The following TCF7L1 variants were observed in gnomAD, a reference collection of about 807,000 sequenced individuals.
The protein encoded by TCF7L1 is transcription factor 7-like 1.
Under a neutral mutation model 63.7 loss-of-function variants are expected in TCF7L1, and 18 were observed. The ratio of observed to expected loss-of-function variants is 0.28; its 90% CI spans 0.20 to 0.42. The LOEUF (loss-of-function observed/expected upper bound fraction) is 0.42, where lower values mean the gene tolerates loss of function less well. TCF7L1 is among the 10% of genes least tolerant of loss of function. TCF7L1 has a pLI of 1.00. For missense variants in TCF7L1, 654 were observed against 779.3 expected, an observed-to-expected ratio of 0.84 and a Z score of 1.91; for synonymous variants, 355 against 340.9, an observed-to-expected ratio of 1.04 and a Z score of -0.46.
chr2:85,217,258 C>T (rs958770908), intron 3 of TCF7L1: 9 of 152,166 alleles, frequency 5.9e-5, no homozygotes, highest in Admixed American at 1.3e-4. Context: ...ATTACAAACA[C>T]GAGGTAGATA....
At chr2:85,217,536 G>C (rs991290908) in intron 3 of TCF7L1, among the ~76,000 whole-genome samples, 2 of 152,112 alleles carry the variant, frequency 1.3e-5, no homozygotes, top group Admixed American at 1.3e-4. Flanking sequence ...ATACAGACTC[G>C]GACATTCCAC....
intron 3 of TCF7L1, among the ~76,000 whole-genome samples, chr2:85,243,623 G>A (rs1333347740): frequency 1.3e-5 from 2 of 152,198 alleles, no homozygotes; most frequent in African/African-American, 2.4e-5. Context: ...AGGAGGAGAA[G>A]GCTGGGGATG....
At chr2:85,304,042 T>A in intron 6 of TCF7L1, 45 bp downstream of exon 6, 1 of 1,452,034 alleles carries the variant, frequency 6.9e-7, no homozygotes, top group Non-Finnish European at 9.6e-7. Context: ...CTCCTTGCGC[T>A]GAGCTCTGCC....
chr2:85,271,403 G>A (rs780107517), intron 3 of TCF7L1, among the ~76,000 whole-genome samples: 10 of 152,160 alleles, frequency 6.6e-5, no homozygotes, highest in Non-Finnish European at 1.3e-4. Flanking sequence ...AAGCTACCGC[G>A]CCCGGCCCAG....
intron 3 of TCF7L1, among the ~76,000 whole-genome samples, chr2:85,209,833 T>TTAGG (rs1162827872): frequency 1.8e-4 from 27 of 152,304 alleles, no homozygotes; most frequent in African/African-American, 6.5e-4. Context: ...TCTAAAAATG[T>TTAGG]ATCCTATAGC....
chr2:85,307,266 T>C (rs1305958319), intron 10 of TCF7L1, among the ~76,000 whole-genome samples: 2 of 152,190 alleles, frequency 1.3e-5, no homozygotes. Context: ...TGTTCTTCTT[T>C]GCTTTTTTTC....
chr2:85,207,092 T>G (rs1679425081), intron 3 of TCF7L1, among the ~76,000 whole-genome samples: 1 of 152,250 alleles, frequency 6.6e-6, no homozygotes, highest in South Asian at 2.1e-4. Flanking sequence ...AATAGGAATT[T>G]AAACCCACAT....
At chr2:85,284,211 T>C (rs887161395) in intron 4 of TCF7L1, among the ~76,000 whole-genome samples, 35 of 152,214 alleles carry the variant, frequency 2.3e-4, no homozygotes, top group Non-Finnish European at 3.8e-4. Context: ...GGTGTTTCAC[T>C]GTGTTAGCCA....
intron 4 of TCF7L1, among the ~76,000 whole-genome samples, chr2:85,294,789 T>C (rs7583983): frequency 0.53 from 80,944 of 151,878 alleles, 22,156 homozygotes; most frequent in East Asian, 0.9. Flanking sequence ...TCCCAGCACT[T>C]TGGGAATCTG....
At chr2:85,265,491 G>A (rs1680946517) in intron 3 of TCF7L1, among the ~76,000 whole-genome samples, 1 of 152,166 alleles carries the variant, frequency 6.6e-6, no homozygotes, top group South Asian at 2.1e-4. Flanking sequence ...CCTCTGGAAG[G>A]GAAAGAGTGG....
Position 85,309,785 on chromosome 2 carries a change from T to C in TCF7L1, c.*323T>C. ...TCTCTTACCTCTCTTGCACTTTCTG[T>C]CTCCTGTCTCTTCTCGCCCCTGCCG... is the stretch of plus-strand genomic sequence containing the variant. On this transcript the variant is annotated 3_prime_UTR_variant, in exon 12 of 12. Transcript: ENST00000282111. 3.7e-6 allele frequency: 1 copy of C among 272,652 alleles called. No homozygotes were observed. The highest frequency in any genetic ancestry group is 6.8e-6 in the Non-Finnish European group (1 of 146,288). The allele number at this position is 272,652 out of a possible 1,614,324, so 16.9% of individuals were successfully genotyped here.
At chr2:85,146,553 G>T (rs897480556) in intron 3 of TCF7L1, among the ~76,000 whole-genome samples, 7 of 139,626 alleles carry the variant, frequency 5.0e-5, no homozygotes, top group African/African-American at 1.9e-4. Flanking sequence ...CCAGGCTGGA[G>T]TGCAATGGCA....
intron 3 of TCF7L1, among the ~76,000 whole-genome samples, chr2:85,247,765 C>T (rs1680498465): frequency 6.6e-6 from 1 of 152,178 alleles, no homozygotes. Flanking sequence ...AAATTAACAT[C>T]TTCAGTGGCT....
chr2:85,306,337 C>T lies in TCF7L1; in HGVS notation c.1121C>T (p.Ala374Val), dbSNP rs1310800024. 1 of 1,614,212 alleles carries T rather than the reference C, an allele frequency of 6.2e-7. No homozygotes were observed. Among genetic ancestry groups the T allele is most frequent in the Non-Finnish European group, 8.5e-7 (1 of 1,180,036 alleles). Reference sequence around the variant, plus strand: ...GCTGAGTGCACCCTGAAGGAAAGTGCAGCCATTAACCAGATCCTTGGAAGA... The same window carrying T: ...GCTGAGTGCACCCTGAAGGAAAGTGTAGCCATTAACCAGATCCTTGGAAGA... ...VVAECTLKES[A>V]AINQILGRKW... The change falls in exon 9 of 12, where the codon GCA (alanine) becomes GTA (valine). Residue 374 changes from alanine to valine, a missense_variant. Physicochemically the swap from Ala to Val is moderately conservative, Grantham distance 64 (BLOSUM62 0). Around this residue, in one of 3 missense-constraint regions of TCF7L1, gnomAD observed 66 missense variants for 120.5 expected, o/e 0.55. Coordinates refer to ENST00000282111, the MANE Select transcript of TCF7L1 (RefSeq NM_031283.3). This position sits in a 1 kb window ranked among gnomAD's most constrained non-coding sequence, Gnocchi z 4.3.
chr2:85,170,436 T>C (rs1678521336), intron 3 of TCF7L1, among the ~76,000 whole-genome samples: 1 of 152,110 alleles, frequency 6.6e-6, no homozygotes, highest in Non-Finnish European at 1.5e-5. Context: ...ATGCTCAGGG[T>C]TTGGAGTGCC....
chr2:85,290,040 C>T (rs560614538), intron 4 of TCF7L1, among the ~76,000 whole-genome samples: 30 of 148,894 alleles, frequency 2.0e-4, no homozygotes, highest in Middle Eastern at 3.6e-3. Flanking sequence ...TGCAGTGGTG[C>T]GATCTCAGCT....
At position 85,258,644 on chromosome 2, in the gene TCF7L1, G is replaced by A. The variant is rs139828405; in HGVS notation, c.442-24851G>A. On this transcript the variant is annotated intron_variant, in intron 3 of 11. Transcript: ENST00000282111. ...GTAGCATTCATATTTGTCAAGGGAGGAGGAGAGAATGTATTTAACAGTTTG... is the reference window on the plus strand; with the variant it reads ...GTAGCATTCATATTTGTCAAGGGAGAAGGAGAGAATGTATTTAACAGTTTG... Among the ~76,000 whole-genome samples the A allele has an allele frequency of 9.0e-3, 1,376 of 152,276 alleles. 89 individuals are homozygous for A. Among genetic ancestry groups the A allele is most frequent in the Admixed American group, 0.081 (1,240 of 15,294 alleles).
At chr2:85,271,313 A>C (rs533176385) in intron 3 of TCF7L1, among the ~76,000 whole-genome samples, 26 of 152,232 alleles carry the variant, frequency 1.7e-4, no homozygotes, top group South Asian at 4.1e-4. Context: ...TGGTTTTGCC[A>C]TATTGGCCAT....
At chr2:85,293,390 T>G (rs907155819) in intron 4 of TCF7L1, among the ~76,000 whole-genome samples, 1 of 152,162 alleles carries the variant, frequency 6.6e-6, no homozygotes, top group African/African-American at 2.4e-5. Context: ...CTTTCTGTCT[T>G]GTTCCTCCTC....
Sources: gnomAD v4.1 joint callset for allele counts (sites outside exome capture counted in the v4.1 genomes callset) on GRCh38, gnomAD v4.1.1 for gene constraint, gnomAD v4.1.1 regional missense constraint, Gnocchi (gnomAD v3.1) non-coding constraint, MANE v1.5 for transcripts, NCBI Gene and HGNC (gene_info 2026-07-23, HGNC 2026-07-21) for gene names.